PCTP: variants seen among roughly 807,000 people sequenced by gnomAD.
The protein encoded by PCTP is phosphatidylcholine transfer protein.
A neutral mutation model predicts 31.0 loss-of-function variants in PCTP; 27 were observed. The observed-to-expected ratio is 0.87, with a 90% confidence interval of 0.64 to 1.20. The LOEUF (loss-of-function observed/expected upper bound fraction) is 1.20, where lower values mean the gene tolerates loss of function less well. Ranked by LOEUF, PCTP falls within the 50% of genes most tolerant of loss-of-function variation. The pLI is 0.00. For synonymous variants in PCTP, 108 were observed against 101.2 expected, an observed-to-expected ratio of 1.07 and a Z score of -0.40; for missense variants, 287 against 268.2, an observed-to-expected ratio of 1.07 and a Z score of -0.49.
rs369008734 is a variant in PCTP, at chr17:55,773,857, G to A, written c.473G>A (p.Ser158Asn). 1 of 1,612,280 alleles carries A rather than the reference G, an allele frequency of 6.2e-7. No homozygotes were observed. Among genetic ancestry groups the A allele is most frequent in the Non-Finnish European group, 8.5e-7 (1 of 1,179,014 alleles). Residue 158 changes from serine (S) to asparagine (N), a missense_variant, in exon 4 of 6, where the codon AGC (serine) becomes AAC (asparagine). By Grantham distance (46) the Ser-to-Asn change is conservative (BLOSUM62 1). Coordinates refer to ENST00000268896, the MANE Select transcript of PCTP (RefSeq NM_021213.4). ...GVIRVKQYKQ[S>N]LAIESDGKKG... is the part of the protein sequence containing the mutation. ...ATCCGGGTGAAGCAATACAAGCAGA[G>A]CCTGGCGATCGAGAGTGACGGCAAG...
chr17:55,786,150 G>T (rs1055654505), intron 2 of PCTP, among the ~76,000 whole-genome samples: 1 of 151,396 alleles, frequency 6.6e-6, no homozygotes, highest in Admixed American at 6.6e-5. Flanking sequence ...TAGGCGTGGT[G>T]GCGCAGGCCT....
intron 2 of PCTP, among the ~76,000 whole-genome samples, chr17:55,767,854 A>G (rs1442240992): frequency 7.8e-6 from 1 of 127,988 alleles, no homozygotes; most frequent in African/African-American, 2.9e-5. Context: ...GCACGTGGGG[A>G]GGCTGAGGCG....
At chr17:55,810,394 G>T (rs76554384) in intron 3 of PCTP, among the ~76,000 whole-genome samples, 4,087 of 152,272 alleles carry the variant, frequency 0.027, 185 homozygotes, top group African/African-American at 0.094. Flanking sequence ...CACTGGGGAG[G>T]TTTCTGGGCC....
chr17:55,816,934 C>T lies in PCTP; in HGVS notation c.318-5827C>T, dbSNP rs577882275. On this transcript the variant is annotated intron_variant, in intron 3 of 3. Coordinates refer to the PCTP transcript ENST00000572536. ...AACCAATGACTGAGAGATAATTGGCCACTTTACAGTTTTAACCTCAAATGA... is the reference window on the plus strand; with the variant it reads ...AACCAATGACTGAGAGATAATTGGCTACTTTACAGTTTTAACCTCAAATGA... Among the ~76,000 whole-genome samples, 4 of 152,190 alleles carry T rather than the reference C, an allele frequency of 2.6e-5. No individual in the cohort carries two copies. The South Asian group carries it at 6.2e-4, about 24-fold the overall frequency.
At chr17:55,758,411 TAGAG>T (rs1249798696) in intron 1 of PCTP, among the ~76,000 whole-genome samples, 1 of 152,192 alleles carries the variant, frequency 6.6e-6, no homozygotes, top group Non-Finnish European at 1.5e-5. Flanking sequence ...GTTTGGCCTT[TAGAG>T]AGAAACACAG....
Position 55,776,448 on chromosome 17 carries a change from A to G in PCTP, c.*348A>G, listed in dbSNP as rs1911335470. ...CTTCAGTAGGGAACACGATCATTCC[A>G]TTGTGCAATTTTACGGGGATGGGTG... On this transcript the variant is annotated 3_prime_UTR_variant, in exon 6 of 6. Coordinates refer to ENST00000268896, the MANE Select transcript of PCTP (RefSeq NM_021213.4). The G allele has an allele frequency of 1.6e-6, 2 of 1,232,760 alleles. No homozygotes were observed. The highest frequency in any genetic ancestry group is 2.0e-6 in the Non-Finnish European group (2 of 988,654). 76.4% of individuals were successfully genotyped at this position (1,232,760 alleles called of 1,614,324 possible).
chr17:55,842,983 T>C (rs1292789106), downstream of PCTP: 2 of 152,216 alleles, frequency 1.3e-5, no homozygotes. Flanking sequence ...ATTTACTCTT[T>C]GTAAGAGAGT....
At position 55,751,080 on chromosome 17, in the gene PCTP, C is replaced by G. The variant is rs9894191; in HGVS notation, c.-24C>G. 7.0e-4 allele frequency: 1,058 copies of G among 1,509,366 alleles called. 9 individuals carry two copies. The African/African-American group carries it at 0.013, about 19-fold the overall frequency. 93.5% of individuals were successfully genotyped at this position (1,509,366 alleles called of 1,614,324 possible). A position where few individuals can be genotyped will look rare whatever the true frequency, so the allele number is the denominator to read the frequency against. ...GGGTGTCCGCGGCCTGCCCTCCAGGCGGAGGAGCCCGGACTGCGGAAGGAT... is the reference window on the plus strand; with the variant it reads ...GGGTGTCCGCGGCCTGCCCTCCAGGGGGAGGAGCCCGGACTGCGGAAGGAT... On this transcript the variant is annotated 5_prime_UTR_variant, in exon 1 of 6. Transcript: ENST00000268896.
intron 3 of PCTP, among the ~76,000 whole-genome samples, chr17:55,794,615 T>C (rs1912121317): frequency 6.6e-6 from 1 of 152,028 alleles, no homozygotes; most frequent in Non-Finnish European, 1.5e-5. Flanking sequence ...GCTGACAGAA[T>C]TGCACAGAAT....
intron 3 of PCTP, among the ~76,000 whole-genome samples, chr17:55,813,901 C>T (rs1912831623): frequency 6.6e-6 from 1 of 151,914 alleles, no homozygotes; most frequent in Non-Finnish European, 1.5e-5. Context: ...ACATAGCCGG[C>T]CATAGTGGCA....
chr17:55,845,459 C>T (rs1906118047), downstream of PCTP, among the ~76,000 whole-genome samples: 2 of 152,224 alleles, frequency 1.3e-5, no homozygotes, highest in Admixed American at 6.5e-5. Context: ...GCCTCAGCGA[C>T]TCTGCGGAGG....
At chr17:55,804,643 T>C (rs1348126725) in intron 3 of PCTP, among the ~76,000 whole-genome samples, 2 of 152,036 alleles carry the variant, frequency 1.3e-5, no homozygotes, top group African/African-American at 4.8e-5. Context: ...TCTTCTCACT[T>C]ATAAGTGGGA....
chr17:55,812,320 C>A (rs1400629801), intron 3 of PCTP, among the ~76,000 whole-genome samples: 1 of 152,138 alleles, frequency 6.6e-6, no homozygotes, highest in Non-Finnish European at 1.5e-5. Context: ...TTCATTTTAC[C>A]CTCACAACAC....
At chr17:55,851,277 G>A in the PCTP span, among the ~76,000 whole-genome samples, 2 of 152,150 alleles carry the variant, frequency 1.3e-5, no homozygotes, top group East Asian at 1.9e-4. Context: ...CAGTGCTATC[G>A]ATAGACCCTT....
At chr17:55,831,814 G>A (rs1181244801) in intron 5 of PCTP, among the ~76,000 whole-genome samples, 2 of 152,172 alleles carry the variant, frequency 1.3e-5, no homozygotes, top group African/African-American at 4.8e-5. Flanking sequence ...GGACGTGGTG[G>A]CTCACACCTG....
chr17:55,803,600 G>A (rs1407727546), intron 3 of PCTP, among the ~76,000 whole-genome samples: 1 of 152,134 alleles, frequency 6.6e-6, no homozygotes, highest in East Asian at 1.9e-4. Flanking sequence ...AGAAAAACAA[G>A]CAATGGGGAA....
chr17:55,791,513 C>G lies in PCTP; in HGVS notation c.317+3859C>G, dbSNP rs570943886. ...GGGCAAAGGACATGAACAGACACTT[C>G]TCAAAAGAAGACATTTATGCAGCCA... On this transcript the variant is annotated intron_variant, in intron 3 of 3. Transcript: ENST00000572536. 2.0e-5 allele frequency among the ~76,000 whole-genome samples: 3 copies of G among 148,110 alleles called. No homozygotes were observed. In the East Asian group the frequency reaches 5.9e-4, roughly 29 times the overall value.
intron 3 of PCTP, among the ~76,000 whole-genome samples, chr17:55,814,768 C>A (rs1331500043): frequency 6.6e-6 from 1 of 152,198 alleles, no homozygotes; most frequent in Non-Finnish European, 1.5e-5. Flanking sequence ...AAGACAGACA[C>A]AACACCACTC....
intron 1 of PCTP, among the ~76,000 whole-genome samples, chr17:55,766,226 G>A (rs1163569431): frequency 2.6e-5 from 4 of 151,104 alleles, no homozygotes; most frequent in East Asian, 3.9e-4. Context: ...TCAGTGTTTG[G>A]TGTGGCATGA....
Sources: allele counts gnomAD v4.1 joint callset (sites outside exome capture counted in the v4.1 genomes callset), GRCh38; gene constraint gnomAD v4.1.1; transcripts MANE v1.5; gene names NCBI Gene and HGNC (gene_info 2026-07-23, HGNC 2026-07-21).